DPYD: variants seen among roughly 807,000 people sequenced by gnomAD.
DPYD encodes dihydropyrimidine dehydrogenase, also known as dihydropyrimidine dehydrogenase [NADP(+)].
A neutral mutation model predicts 116.2 loss-of-function variants in DPYD; 109 were observed. That is an observed-to-expected ratio of 0.94 (90% confidence interval 0.80 to 1.10). The LOEUF (loss-of-function observed/expected upper bound fraction) is 1.10, where lower values mean the gene tolerates loss of function less well. DPYD is among the 50% of genes least tolerant of loss of function. The probability of loss-of-function intolerance (pLI) is 0.00; values close to 1 mark genes in which losing one functional copy is unlikely to be tolerated. For synonymous variants in DPYD, 440 were observed against 432.0 expected, an observed-to-expected ratio of 1.02 and a Z score of -0.23; for missense variants, 1,302 against 1,254.5, an observed-to-expected ratio of 1.04 and a Z score of -0.57.
At chr1:97,170,355 G>T (rs1656633829) in intron 20 of DPYD, among the ~76,000 whole-genome samples, 1 of 152,142 alleles carries the variant, frequency 6.6e-6, no homozygotes, top group South Asian at 2.1e-4. Context: ...CCAATTGAAG[G>T]TTGCTTACCA....
chr1:97,744,586 T>C (rs1303240423), intron 3 of DPYD, among the ~76,000 whole-genome samples: 6 of 152,104 alleles, frequency 3.9e-5, no homozygotes, highest in African/African-American at 1.2e-4. Context: ...CGTTAATCTA[T>C]ATATAATGGC....
rs1304359186 is a variant in DPYD at position 97,515,854 on chromosome 1, C to A, written c.1612G>T (p.Ala538Ser). The A allele has an allele frequency of 1.2e-6, 2 of 1,612,852 alleles. No individual in the cohort carries two copies. The highest frequency in any genetic ancestry group is 8.5e-7 in the Non-Finnish European group (1 of 1,179,238). ...AAAGGATTTATAAACTTCAATCCGG[C>A]CATTTCTACACTAATGTCCACCAGA... ...IDLVDISVEM[A>S]GLKFINPFGL... The change falls in exon 13 of 23, where the codon GCC becomes TCC. Residue 538 changes from alanine to serine, a missense_variant. Transcript: ENST00000370192.
At chr1:97,751,482 A>ATATATATATATATG (rs1664917728) in intron 3 of DPYD, among the ~76,000 whole-genome samples, 3 of 126,580 alleles carry the variant, frequency 2.4e-5, no homozygotes, top group Non-Finnish European at 3.4e-5. Context: ...ATATATATAT[A>ATATATATATATATG]TATATATATA....
chr1:97,634,129 A>G (rs1313560197), intron 8 of DPYD, among the ~76,000 whole-genome samples: 1 of 152,158 alleles, frequency 6.6e-6, no homozygotes, highest in African/African-American at 2.4e-5. Context: ...AGAGTCCTGA[A>G]GGAACAGGTG....
chr1:97,470,652 C>A (rs567595715), intron 13 of DPYD, among the ~76,000 whole-genome samples: 1 of 152,282 alleles, frequency 6.6e-6, no homozygotes, highest in African/African-American at 2.4e-5. Context: ...TGCTAACTTG[C>A]TGAAGCTGCC....
chr1:97,298,120 A>C (rs1012604453), intron 18 of DPYD, among the ~76,000 whole-genome samples: 5 of 152,142 alleles, frequency 3.3e-5, no homozygotes, highest in African/African-American at 1.2e-4. Context: ...CTCTAATTTT[A>C]CCATTGCTTA....
intron 16 of DPYD, among the ~76,000 whole-genome samples, chr1:97,328,423 T>C (rs1300451783): frequency 6.6e-6 from 1 of 152,128 alleles, no homozygotes; most frequent in Non-Finnish European, 1.5e-5. Context: ...TTAGTCTACT[T>C]ATGTTTAACT....
chr1:97,213,431 G>C (rs1276956646), intron 19 of DPYD, among the ~76,000 whole-genome samples: 2 of 152,154 alleles, frequency 1.3e-5, no homozygotes, highest in African/African-American at 4.8e-5. Context: ...TTGGGAAGCT[G>C]TTTATGTTCT....
intron 22 of DPYD, among the ~76,000 whole-genome samples, chr1:97,080,801 A>G (rs901780859): frequency 2.0e-5 from 3 of 152,138 alleles, no homozygotes; most frequent in Admixed American, 2.0e-4. Flanking sequence ...ATCTTCTGAG[A>G]CAGAAGAATC....
intron 16 of DPYD, among the ~76,000 whole-genome samples, chr1:97,328,197 C>T (rs1668802588): frequency 6.6e-6 from 1 of 152,086 alleles, no homozygotes; most frequent in Admixed American, 6.6e-5. Context: ...TCGATTTGTC[C>T]ACAATGTATA....
intron 8 of DPYD, among the ~76,000 whole-genome samples, chr1:97,632,294 T>C (rs923393289): frequency 6.6e-6 from 1 of 152,120 alleles, no homozygotes; most frequent in Admixed American, 6.6e-5. Flanking sequence ...AGAGGAACAT[T>C]AGCGTTATCA....
chr1:97,247,138 C>CA lies in DPYD; in HGVS notation c.2300-12145_2300-12144insT, dbSNP rs1430938533. Among the ~76,000 whole-genome samples the CA allele has an allele frequency of 1.8e-4, 27 of 152,228 alleles. No homozygotes were observed. In the East Asian group the frequency reaches 5.0e-3, roughly 28 times the overall value. On this transcript the variant is annotated intron_variant, in intron 18 of 22. Coordinates refer to ENST00000370192, the MANE Select transcript of DPYD (RefSeq NM_000110.4). ...AATGGAAGAGAACAAGTGTTCCACT[C>CA]CATTCAACCATTCAGTAACTATTGC...
At chr1:97,770,250 T>C (rs1302434145) in intron 3 of DPYD, among the ~76,000 whole-genome samples, 2 of 152,192 alleles carry the variant, frequency 1.3e-5, no homozygotes, top group Non-Finnish European at 2.9e-5. Flanking sequence ...TCTTATTTAA[T>C]TAAAACACAA....
intron 2 of DPYD, among the ~76,000 whole-genome samples, chr1:97,838,956 A>C (rs1669913480): frequency 6.6e-6 from 1 of 152,230 alleles, no homozygotes; most frequent in Non-Finnish European, 1.5e-5. Flanking sequence ...CTAGAACAAC[A>C]GGGACTATAG....
chr1:97,757,718 T>C (rs1288005924), intron 3 of DPYD, among the ~76,000 whole-genome samples: 1 of 152,120 alleles, frequency 6.6e-6, no homozygotes, highest in South Asian at 2.1e-4. Context: ...ACAGCTATAA[T>C]TCAGTATTAA....
intron 3 of DPYD, among the ~76,000 whole-genome samples, chr1:97,749,106 T>C (rs912843292): frequency 1.3e-5 from 2 of 152,178 alleles, no homozygotes; most frequent in African/African-American, 4.8e-5. Flanking sequence ...CCTATCTCCC[T>C]TCCCTTTCTC....
At chr1:97,246,315 G>A (rs538962659) in intron 18 of DPYD, among the ~76,000 whole-genome samples, 7 of 152,224 alleles carry the variant, frequency 4.6e-5, no homozygotes, top group African/African-American at 1.7e-4. Context: ...ATAAGGCTGG[G>A]TCAATGAGAT....
intron 14 of DPYD, among the ~76,000 whole-genome samples, chr1:97,407,384 T>G (rs781232678): frequency 3.9e-5 from 6 of 152,184 alleles, no homozygotes; most frequent in Non-Finnish European, 7.3e-5. Flanking sequence ...AGCTCTTTGC[T>G]CTCATTAACT....
chr1:97,451,619 A>G (rs1676416417), intron 13 of DPYD, among the ~76,000 whole-genome samples: 1 of 152,238 alleles, frequency 6.6e-6, no homozygotes, highest in South Asian at 2.1e-4. Context: ...CTAATGGGTA[A>G]AATGACAAAT....
Sources: allele counts gnomAD v4.1 joint callset (sites outside exome capture counted in the v4.1 genomes callset), GRCh38; gene constraint gnomAD v4.1.1; transcripts MANE v1.5; gene names NCBI Gene and HGNC (gene_info 2026-07-23, HGNC 2026-07-21).